PCDH9: variants seen among roughly 807,000 people sequenced by gnomAD.
PCDH9 encodes the protein protocadherin-9.
PCDH9 carries 24 observed loss-of-function variants against 70.6 expected under a neutral mutation model. The ratio of observed to expected loss-of-function variants is 0.34; its 90% CI spans 0.25 to 0.48. The LOEUF (loss-of-function observed/expected upper bound fraction) is 0.48. Ranked by LOEUF, PCDH9 falls within the 20% of genes least tolerant of loss-of-function variation. The pLI is 0.99. For synonymous variants in PCDH9, 562 were observed against 558.5 expected (o/e 1.01, Z -0.09); for missense variants, 1,281 against 1,503.6 (o/e 0.85, Z 2.45).
At chr13:67,154,603 TATACACACACACAC>T (rs1305677444) in intron 2 of PCDH9, among the ~76,000 whole-genome samples, 1 of 84,782 alleles carries the variant, frequency 1.2e-5, no homozygotes, top group African/African-American at 4.9e-5. Context: ...AAAATATATA[TATACACACACACAC>T]ACACACACAC....
At chr13:66,424,214 G>A (rs779998338) in intron 4 of PCDH9, among the ~76,000 whole-genome samples, 7 of 152,026 alleles carry the variant, frequency 4.6e-5, no homozygotes, top group African/African-American at 9.7e-5. Flanking sequence ...ATGCTCATGG[G>A]TAGGAAGAAT....
intron 2 of PCDH9, among the ~76,000 whole-genome samples, chr13:67,184,188 A>T (rs2088689635): frequency 6.6e-6 from 1 of 152,216 alleles, no homozygotes; most frequent in African/African-American, 2.4e-5. Context: ...AACTTCCTTC[A>T]GATGCTTGGT....
rs978086573 is a variant in PCDH9, at chr13:67,227,579, G to A, written c.862C>T (p.Arg288Trp). The change falls in exon 2 of 5, where the codon CGG (arginine) becomes TGG (tryptophan). Residue 288 changes from arginine to tryptophan, a missense_variant. Around this residue, in one of 4 missense-constraint regions of PCDH9, gnomAD observed 798 missense variants for 1,003.1 expected, o/e 0.80. Transcript: ENST00000377865. This position sits in a 1 kb window ranked among gnomAD's most constrained non-coding sequence, Gnocchi z 4.6. ...GCGACCTGGGCACCAAAAATGTACC[G>A]GATTTCAGCATTACTGCCTATATCT... ...DADIGSNAEI[R>W]YIFGAQVAPA... 6.2e-6 allele frequency: 10 copies of A among 1,613,892 alleles called. No individual in the cohort carries two copies. Among genetic ancestry groups the A allele is most frequent in the South Asian group, 2.2e-5 (2 of 91,086 alleles).
At chr13:67,160,345 A>G (rs2138414525) in intron 2 of PCDH9, among the ~76,000 whole-genome samples, 1 of 152,300 alleles carries the variant, frequency 6.6e-6, no homozygotes, top group South Asian at 2.1e-4. Context: ...GGAGATAGAG[A>G]CCATCCTGGC....
chr13:66,735,192 A>G, intron 3 of PCDH9, among the ~76,000 whole-genome samples: 1 of 152,224 alleles, frequency 6.6e-6, no homozygotes, highest in Non-Finnish European at 1.5e-5. Context: ...CAGCTGAGAA[A>G]TCTCCACATA....
At chr13:67,092,538 G>T in intron 2 of PCDH9, among the ~76,000 whole-genome samples, 1 of 152,110 alleles carries the variant, frequency 6.6e-6, no homozygotes, top group South Asian at 2.1e-4. Flanking sequence ...GGCCCATTGA[G>T]ATTTGAACTA....
intron 4 of PCDH9, among the ~76,000 whole-genome samples, chr13:66,435,549 T>G (rs1039227620): frequency 2.6e-5 from 4 of 152,156 alleles, no homozygotes; most frequent in Non-Finnish European, 5.9e-5. Flanking sequence ...TAGGATGCAT[T>G]AATACATTTC....
chr13:66,680,234 G>T (rs1424105698), intron 3 of PCDH9, among the ~76,000 whole-genome samples: 2 of 151,886 alleles, frequency 1.3e-5, no homozygotes, highest in African/African-American at 4.8e-5. Context: ...GAAACAATAC[G>T]CAAATATTTT....
At chr13:66,833,616 G>A (rs2080965462) in intron 3 of PCDH9, among the ~76,000 whole-genome samples, 1 of 152,056 alleles carries the variant, frequency 6.6e-6, no homozygotes, top group African/African-American at 2.4e-5. Context: ...ATTTACAAGG[G>A]CATGTGATAG....
intron 3 of PCDH9, among the ~76,000 whole-genome samples, chr13:66,777,725 G>A (rs905508773): frequency 6.6e-5 from 10 of 152,268 alleles, no homozygotes; most frequent in African/African-American, 9.6e-5. Context: ...TCAGTGTGGC[G>A]ATTCCTCACG....
intron 2 of PCDH9, among the ~76,000 whole-genome samples, chr13:67,147,348 G>C (rs2087546640): frequency 6.6e-6 from 1 of 152,148 alleles, no homozygotes; most frequent in Admixed American, 6.5e-5. Flanking sequence ...TAGCAGAGGT[G>C]AAAGTGGGGC....
At chr13:66,676,074 T>C (rs904629817) in intron 3 of PCDH9, among the ~76,000 whole-genome samples, 7 of 152,142 alleles carry the variant, frequency 4.6e-5, no homozygotes, top group African/African-American at 1.7e-4. Flanking sequence ...TCTGTAACCC[T>C]GGATTTTGTT....
intron 2 of PCDH9, among the ~76,000 whole-genome samples, chr13:66,997,503 G>GTTTGT (rs2084142795): frequency 1.1e-5 from 1 of 90,142 alleles, no homozygotes; most frequent in Non-Finnish European, 2.7e-5. Context: ...AACACTGGAG[G>GTTTGT]TCTGTTTTGT....
At chr13:66,588,938 G>A (rs2077001347) in intron 4 of PCDH9, among the ~76,000 whole-genome samples, 1 of 151,788 alleles carries the variant, frequency 6.6e-6, no homozygotes, top group African/African-American at 2.4e-5. Context: ...AAAAAGTGAA[G>A]TTTTAAGTTC....
chr13:66,708,834 A>G (rs544934863), intron 3 of PCDH9, among the ~76,000 whole-genome samples: 3 of 152,136 alleles, frequency 2.0e-5, no homozygotes, highest in Admixed American at 6.5e-5. Flanking sequence ...AGCAAAATCC[A>G]TGACATTCAG....
chr13:66,720,318 G>A (rs923997326), intron 3 of PCDH9, among the ~76,000 whole-genome samples: 1 of 88,048 alleles, frequency 1.1e-5, no homozygotes, highest in Admixed American at 1.8e-4. Flanking sequence ...GCTAATTTTT[G>A]CTTTTTTGTT....
chr13:66,450,655 T>C (rs2138426456), intron 4 of PCDH9, among the ~76,000 whole-genome samples: 1 of 152,262 alleles, frequency 6.6e-6, no homozygotes, highest in East Asian at 1.9e-4. Context: ...TGTCCATAAA[T>C]GGTAATCTAC....
intron 3 of PCDH9, among the ~76,000 whole-genome samples, chr13:66,816,621 G>A (rs111782037): frequency 0.013 from 2,033 of 152,224 alleles, 36 homozygotes; most frequent in African/African-American, 0.046. Flanking sequence ...AAAATTAGGT[G>A]TAATATCACA....
At chr13:66,502,058 A>G (rs1959179536) in intron 4 of PCDH9, among the ~76,000 whole-genome samples, 1 of 152,116 alleles carries the variant, frequency 6.6e-6, no homozygotes. Context: ...GCCAATTGCC[A>G]GTTTTGATAT....
Sources: gnomAD v4.1 joint callset for allele counts (sites outside exome capture counted in the v4.1 genomes callset) on GRCh38, gnomAD v4.1.1 for gene constraint, gnomAD v4.1.1 regional missense constraint, Gnocchi (gnomAD v3.1) non-coding constraint, MANE v1.5 for transcripts, NCBI Gene and HGNC (gene_info 2026-07-23, HGNC 2026-07-21) for gene names.